The following SRD5A2 variants were observed in gnomAD, a reference collection of about 807,000 sequenced individuals.
SRD5A2 encodes steroid 5 alpha-reductase 2, also known as 3-oxo-5-alpha-steroid 4-dehydrogenase 2.
In SRD5A2, 30 loss-of-function variants were observed where a neutral mutation model predicts 27.4. That is an observed-to-expected ratio of 1.10 (90% CI 0.82 to 1.49). The LOEUF is 1.49. Ranked by LOEUF, SRD5A2 falls within the 40% of genes most tolerant of loss-of-function variation. The probability of loss-of-function intolerance (pLI) is 0.00; values close to 1 mark genes in which losing one functional copy is unlikely to be tolerated. For synonymous variants in SRD5A2, 141 were observed against 133.6 expected, an observed-to-expected ratio of 1.06 and a Z score of -0.38; for missense variants, 348 against 323.4, an observed-to-expected ratio of 1.08 and a Z score of -0.58.
chr2:31,591,838 C>CA, the SRD5A2 span, among the ~76,000 whole-genome samples: 3 of 116,932 alleles, frequency 2.6e-5, no homozygotes, highest in Non-Finnish European at 5.1e-5. Flanking sequence ...ATCGCAAGGA[C>CA]AAAAAACCAA....
the SRD5A2 span, among the ~76,000 whole-genome samples, chr2:31,595,767 A>G: frequency 1.3e-5 from 2 of 152,146 alleles, no homozygotes; most frequent in African/African-American, 2.4e-5. Context: ...AAAACTACAA[A>G]CTAATATTCC....
the SRD5A2 span, among the ~76,000 whole-genome samples, chr2:31,592,235 G>A: frequency 1.3e-5 from 2 of 151,612 alleles, no homozygotes; most frequent in Non-Finnish European, 2.9e-5. Flanking sequence ...CCTGGCTGGA[G>A]GCCATCCAAC....
chr2:31,580,918 C>T lies in SRD5A2; in HGVS notation c.-18G>A, dbSNP rs549076094. On this transcript the variant is annotated 5_prime_UTR_variant, in exon 1 of 5. Transcript: ENST00000622030. Reference sequence around the variant, plus strand: ...ACCTGCATCGCGCCGTGTTCCTCGCCGGTGGCCGCTGCCCTCCCAGAAGAG... The same window carrying T: ...ACCTGCATCGCGCCGTGTTCCTCGCTGGTGGCCGCTGCCCTCCCAGAAGAG... 3 of 1,586,822 alleles carry T rather than the reference C, an allele frequency of 1.9e-6. No homozygotes were observed. Among genetic ancestry groups the T allele is most frequent in the East Asian group, 2.3e-5 (1 of 44,224 alleles).
chr2:31,529,391 G>A lies in SRD5A2; in HGVS notation c.614C>T (p.Ala205Val), dbSNP rs973116318. ...LGEIIEWIGY[A>V]LATWSLPALA... Reference sequence around the variant, plus strand: ...TGCTGGGAGGGACCAAGTGGCCAGGGCATAGCCGATCCATTCAATGATCTC... The same window carrying A: ...TGCTGGGAGGGACCAAGTGGCCAGGACATAGCCGATCCATTCAATGATCTC... The change falls in exon 4 of 5, where the codon GCC (alanine) becomes GTC (valine). Residue 205 changes from alanine to valine, a missense_variant. Physicochemically the swap from Ala to Val is moderately conservative, Grantham distance 64. Transcript: ENST00000622030. The A allele has an allele frequency of 1.2e-6, 2 of 1,613,916 alleles. No homozygotes were observed. Among genetic ancestry groups the A allele is most frequent in the African/African-American group, 2.7e-5 (2 of 75,032 alleles).
the SRD5A2 span, among the ~76,000 whole-genome samples, chr2:31,620,981 T>C: frequency 2.0e-5 from 3 of 147,474 alleles, no homozygotes; most frequent in Middle Eastern, 3.3e-3. Context: ...AAATTAAATA[T>C]ATAATATAAA....
intron 4 of SRD5A2, among the ~76,000 whole-genome samples, chr2:31,528,168 C>T (rs540759971): frequency 6.6e-6 from 1 of 152,280 alleles, no homozygotes; most frequent in South Asian, 2.1e-4. Context: ...ACCTGCAATC[C>T]CTGGCATTTC....
the SRD5A2 span, among the ~76,000 whole-genome samples, chr2:31,632,686 C>T: frequency 5.3e-5 from 8 of 152,094 alleles, no homozygotes; most frequent in African/African-American, 7.2e-5. Context: ...TCCTAGGACA[C>T]GCAGTCACTA....
In SRD5A2 at chr2:31,524,587, A is replaced by G. The variant is rs560553054; in HGVS notation, c.*1609T>C. 7.0e-5 allele frequency: 16 copies of G among 229,750 alleles called. No individual in the cohort carries two copies. The South Asian group carries it at 2.9e-3, about 42-fold the overall frequency. 14.2% of individuals were successfully genotyped at this position (229,750 alleles called of 1,614,324 possible). The stretch of plus-strand genomic sequence containing the variant: ...ATTCAAACAAAACTGCTTAACATCC[A>G]TGATTTAAAGGTATTTAATGAACAA... On this transcript the variant is annotated 3_prime_UTR_variant, in exon 5 of 5. Transcript: ENST00000622030.
At chr2:31,552,315 A>G (rs1666396630) in intron 1 of SRD5A2, among the ~76,000 whole-genome samples, 2 of 151,612 alleles carry the variant, frequency 1.3e-5, no homozygotes, top group Admixed American at 6.6e-5. Context: ...GCACAGATCA[A>G]TGCCAAGGGA....
At chr2:31,554,668 T>C (rs143879109) in intron 1 of SRD5A2, among the ~76,000 whole-genome samples, 1 of 152,078 alleles carries the variant, frequency 6.6e-6, no homozygotes, top group African/African-American at 2.4e-5. Flanking sequence ...GGATAAGGAG[T>C]AGTCAGTGAT....
Position 31,547,851 on chromosome 2 carries a change from G to A in SRD5A2, c.282-14085C>T, listed in dbSNP as rs527748061. Among the ~76,000 whole-genome samples, 105 of 148,882 alleles carry A rather than the reference G, an allele frequency of 7.1e-4. 3 individuals are homozygous for A. In the South Asian group the frequency reaches 0.016, roughly 23 times the overall value. On this transcript the variant is annotated intron_variant, in intron 1 of 4. Transcript: ENST00000622030. ...ATAAATCCTTTCTTATATCTCCCCC[G>A]CCTCTCTCTACATAGATAGATAGAT... is the stretch of plus-strand genomic sequence containing the variant.
At chr2:31,618,186 C>T in the SRD5A2 span, among the ~76,000 whole-genome samples, 1 of 152,118 alleles carries the variant, frequency 6.6e-6, no homozygotes, top group East Asian at 1.9e-4. Flanking sequence ...ACTATGAGAT[C>T]TTGTGAGACT....
At chr2:31,627,888 C>A in the SRD5A2 span, among the ~76,000 whole-genome samples, 113 of 151,814 alleles carry the variant, frequency 7.4e-4, no homozygotes, top group Admixed American at 1.3e-3. Context: ...TGGTTTTATG[C>A]CAAATTACGT....
At chr2:31,554,835 C>T (rs369784123) in intron 1 of SRD5A2, among the ~76,000 whole-genome samples, 132 of 151,842 alleles carry the variant, frequency 8.7e-4, no homozygotes, top group African/African-American at 2.9e-3. Flanking sequence ...GATGGTTCTT[C>T]GGTATCAATC....
chr2:31,591,619 T>A, the SRD5A2 span, among the ~76,000 whole-genome samples: 2 of 151,808 alleles, frequency 1.3e-5, no homozygotes, highest in African/African-American at 4.8e-5. Flanking sequence ...ATCATGCTGC[T>A]ATAAAGACAC....
intron 2 of SRD5A2, among the ~76,000 whole-genome samples, chr2:31,531,791 T>C (rs185093882): frequency 3.3e-5 from 5 of 152,330 alleles, no homozygotes; most frequent in African/African-American, 9.6e-5. Context: ...TGGATCATAA[T>C]AGTAAGCCTT....
rs1285860135 is a variant in SRD5A2 at position 31,558,966 on chromosome 2, C to G, written c.281+21654G>C. On this transcript the variant is annotated intron_variant, in intron 1 of 4. Transcript: ENST00000622030. ...CAAAGACCCTATTTCCAAATAAGGT[C>G]ATAGTCTAAGGTTCTAGAGAAAACA... is the stretch of plus-strand genomic sequence containing the variant. Among the ~76,000 whole-genome samples, 3 of 152,270 alleles carry G rather than the reference C, an allele frequency of 2.0e-5. No individual in the cohort carries two copies. The East Asian group carries it at 5.8e-4, about 29-fold the overall frequency.
At chr2:31,586,236 T>G in the SRD5A2 span, among the ~76,000 whole-genome samples, 1 of 152,076 alleles carries the variant, frequency 6.6e-6, no homozygotes, top group Non-Finnish European at 1.5e-5. Flanking sequence ...TCAATTTTAA[T>G]GCAATAGAAT....
intron 2 of SRD5A2, among the ~76,000 whole-genome samples, chr2:31,532,642 G>A (rs1665935662): frequency 1.1e-5 from 1 of 87,916 alleles, no homozygotes; most frequent in Non-Finnish European, 2.3e-5. Context: ...AAGCACTTTG[G>A]TGCTTTTCAA....
Sources: allele counts gnomAD v4.1 joint callset (sites outside exome capture counted in the v4.1 genomes callset), GRCh38; gene constraint gnomAD v4.1.1; transcripts MANE v1.5; gene names NCBI Gene and HGNC (gene_info 2026-07-23, HGNC 2026-07-21).